DLG2: variants seen among roughly 807,000 people sequenced by gnomAD.
DLG2 encodes discs large MAGUK scaffold protein 2, also known as disks large homolog 2.
DLG2 carries 45 observed loss-of-function variants against 132.5 expected under a neutral mutation model. That is an observed-to-expected ratio of 0.34 (90% CI 0.27 to 0.44). The LOEUF (loss-of-function observed/expected upper bound fraction) is 0.44, where lower values mean the gene tolerates loss of function less well. Ranked by LOEUF, DLG2 falls within the 20% of genes least tolerant of loss-of-function variation. DLG2 has a pLI of 1.00. For synonymous variants in DLG2, 424 were observed against 419.6 expected (o/e 1.01, Z -0.13); for missense variants, 1,045 against 1,196.9 (o/e 0.87, Z 1.87).
chr11:83,690,687 T>TG (rs565253053), intron 18 of DLG2, among the ~76,000 whole-genome samples: 5,799 of 44,184 alleles, frequency 0.13, 144 homozygotes, highest in Middle Eastern at 0.27. Context: ...TGGGTGGGGG[T>TG]GGGGGGGGTG....
At chr11:85,457,662 G>A (rs570594480) in intron 3 of DLG2, among the ~76,000 whole-genome samples, 1 of 152,246 alleles carries the variant, frequency 6.6e-6, no homozygotes, top group East Asian at 1.9e-4. Context: ...TCATTTGCTT[G>A]TCTGAAAGGG....
At chr11:85,146,227 C>CTCTCTCTCTCTCTCTCTCTCT (rs1555384682) in intron 5 of DLG2, among the ~76,000 whole-genome samples, 35 of 129,204 alleles carry the variant, frequency 2.7e-4, no homozygotes, top group African/African-American at 1.0e-3. Context: ...TCTGTTTCTC[C>CTCTCTCTCTCTCTCTCTCTCT]CTCTCTCTCT....
chr11:84,517,277 T>C (rs1275913835), intron 7 of DLG2, among the ~76,000 whole-genome samples: 1 of 151,568 alleles, frequency 6.6e-6, no homozygotes, highest in Admixed American at 6.6e-5. Flanking sequence ...ATTCAAAATA[T>C]ATAAGAAACT....
chr11:84,571,547 C>T (rs551692708), intron 6 of DLG2, among the ~76,000 whole-genome samples: 1 of 152,184 alleles, frequency 6.6e-6, no homozygotes, highest in Non-Finnish European at 1.5e-5. Context: ...ATGGCACCCT[C>T]CCCTCCTCCT....
chr11:84,672,559 T>A (rs80095190), intron 6 of DLG2, among the ~76,000 whole-genome samples: 15,639 of 152,166 alleles, frequency 0.1, 905 homozygotes, highest in African/African-American at 0.12. Flanking sequence ...TACTAGAAAC[T>A]ATTCCAGCTG....
intron 6 of DLG2, among the ~76,000 whole-genome samples, chr11:84,898,673 A>T (rs1412301222): frequency 2.0e-5 from 3 of 151,794 alleles, no homozygotes; most frequent in Non-Finnish European, 4.4e-5. Flanking sequence ...GTATACCAAG[A>T]TCCTCTCTCC....
chr11:84,673,680 C>A (rs1207389547), intron 6 of DLG2, among the ~76,000 whole-genome samples: 1 of 151,112 alleles, frequency 6.6e-6, no homozygotes, highest in African/African-American at 2.4e-5. Context: ...TAAGAATTTT[C>A]CATGGAAGAA....
chr11:84,235,251 C>T (rs2154338909), intron 8 of DLG2, among the ~76,000 whole-genome samples: 1 of 152,314 alleles, frequency 6.6e-6, no homozygotes, highest in South Asian at 2.1e-4. Context: ...CTTATGTCTC[C>T]ATAAAATGTA....
chr11:84,616,275 A>G (rs2099604304), intron 6 of DLG2, among the ~76,000 whole-genome samples: 1 of 152,096 alleles, frequency 6.6e-6, no homozygotes, highest in Admixed American at 6.6e-5. Context: ...GGGTTTGAGC[A>G]TTTACTTTCC....
intron 11 of DLG2, among the ~76,000 whole-genome samples, chr11:84,012,770 C>T (rs2094956493): frequency 6.6e-6 from 1 of 152,118 alleles, no homozygotes. Context: ...TCATTTGGCC[C>T]TTTGATTTAA....
chr11:84,810,324 A>C lies in DLG2; in HGVS notation c.358-275593T>G, dbSNP rs115416980. On this transcript the variant is annotated intron_variant, in intron 6 of 27. Coordinates refer to ENST00000376104, the MANE Select transcript of DLG2 (RefSeq NM_001142699.3). ...AGGAAGAGATATTTCACCAGAGGAA[A>C]TACAGATTGCAACATAAGCATGTGA... Among the ~76,000 whole-genome samples, 925 of 152,252 alleles carry C rather than the reference A, an allele frequency of 6.1e-3. 12 individuals carry two copies. Among genetic ancestry groups the C allele is most frequent in the African/African-American group, 0.022 (897 of 41,588 alleles).
At chr11:85,047,418 T>C (rs1454315134) in intron 6 of DLG2, among the ~76,000 whole-genome samples, 4 of 151,978 alleles carry the variant, frequency 2.6e-5, no homozygotes, top group African/African-American at 9.7e-5. Context: ...ATCCAAGAGT[T>C]CATATGTAGA....
At chr11:84,847,281 T>A (rs868746567) in intron 6 of DLG2, among the ~76,000 whole-genome samples, 30 of 152,156 alleles carry the variant, frequency 2.0e-4, no homozygotes, top group African/African-American at 7.0e-4. Flanking sequence ...AGCACTGCTA[T>A]CAGAGGCTAG....
At chr11:85,580,846 A>G (rs1268467904) in intron 3 of DLG2, among the ~76,000 whole-genome samples, 4 of 152,236 alleles carry the variant, frequency 2.6e-5, no homozygotes, top group Admixed American at 2.6e-4. Context: ...GAAGAATGAT[A>G]TTCTTTGAGT....
At chr11:85,040,040 C>T (rs1026150678) in intron 6 of DLG2, among the ~76,000 whole-genome samples, 1 of 151,824 alleles carries the variant, frequency 6.6e-6, no homozygotes, top group African/African-American at 2.4e-5. Context: ...ATAGCAAAAT[C>T]GTGCTATAGA....
At position 83,991,394 on chromosome 11, in the gene DLG2, A is replaced by G. The variant is rs1305632641; in HGVS notation, c.920-10752T>C. 3.3e-5 allele frequency among the ~76,000 whole-genome samples: 5 copies of G among 152,294 alleles called. No homozygotes were observed. In the East Asian group the frequency reaches 9.6e-4, roughly 29 times the overall value. ...ACTCATACCTTTAGCACATTGCTTT[A>G]ATACCTATTTTATTCTGAAAAATTC... On this transcript the variant is annotated intron_variant, in intron 11 of 27. Coordinates refer to ENST00000376104, the MANE Select transcript of DLG2 (RefSeq NM_001142699.3).
intron 3 of DLG2, among the ~76,000 whole-genome samples, chr11:85,345,535 T>C (rs1297823099): frequency 2.0e-5 from 3 of 152,246 alleles, no homozygotes; most frequent in Admixed American, 2.0e-4. Context: ...TTGCATGATA[T>C]CACACACCTG....
At position 85,007,189 on chromosome 11, in the gene DLG2, G is replaced by C. The variant is rs1193864259; in HGVS notation, c.357+104472C>G. Reference sequence around the variant, plus strand: ...GCTATTTATACTTGAGTGACTTTGAGCTAAGTACATAACTCTCAAAGAACC... The same window carrying C: ...GCTATTTATACTTGAGTGACTTTGACCTAAGTACATAACTCTCAAAGAACC... On this transcript the variant is annotated intron_variant, in intron 6 of 27. Coordinates refer to ENST00000376104, the MANE Select transcript of DLG2 (RefSeq NM_001142699.3). Among the ~76,000 whole-genome samples, 6 of 91,778 alleles carry C rather than the reference G, an allele frequency of 6.5e-5. 1 individual carries two copies. Among genetic ancestry groups the C allele is most frequent in the African/African-American group, 3.6e-4 (6 of 16,562 alleles). 60.2% of individuals were successfully genotyped at this position (91,778 alleles called of 152,430 possible).
At chr11:84,687,845 A>C (rs529336506) in intron 6 of DLG2, among the ~76,000 whole-genome samples, 43 of 152,338 alleles carry the variant, frequency 2.8e-4, no homozygotes, top group Non-Finnish European at 5.6e-4. Flanking sequence ...CAAATATCTA[A>C]TCAGGAAAAT....
Sources: gnomAD v4.1 joint callset for allele counts (sites outside exome capture counted in the v4.1 genomes callset) on GRCh38, gnomAD v4.1.1 for gene constraint, MANE v1.5 for transcripts, NCBI Gene and HGNC (gene_info 2026-07-23, HGNC 2026-07-21) for gene names.